DYNC1I2: variants seen among roughly 807,000 people sequenced by gnomAD.
The protein encoded by DYNC1I2 is dynein cytoplasmic 1 intermediate chain 2.
DYNC1I2 carries 53 observed loss-of-function variants against 88.6 expected under a neutral mutation model. That is an observed-to-expected ratio of 0.60 (90% CI 0.48 to 0.75). The LOEUF (loss-of-function observed/expected upper bound fraction) is 0.75, where lower values mean the gene tolerates loss of function less well. Among genes scored for constraint, DYNC1I2 ranks in the 30% least tolerant of loss-of-function variants. DYNC1I2 has a pLI of 0.00. For missense variants in DYNC1I2, 458 were observed against 766.6 expected, an observed-to-expected ratio of 0.60 and a Z score of 4.75; for synonymous variants, 198 against 254.6, an observed-to-expected ratio of 0.78 and a Z score of 2.12.
At chr2:171,740,773 A>G (rs1689367748) in intron 15 of DYNC1I2, among the ~76,000 whole-genome samples, 1 of 152,072 alleles carries the variant, frequency 6.6e-6, no homozygotes, top group South Asian at 2.1e-4. Context: ...TTTTAAAATA[A>G]GTTTCTTTTT....
At chr2:171,697,066 C>CCATG (rs921690659) in intron 3 of DYNC1I2, among the ~76,000 whole-genome samples, 3 of 151,990 alleles carry the variant, frequency 2.0e-5, no homozygotes, top group African/African-American at 7.2e-5. Context: ...AGTGGTGCAA[C>CCATG]CATGGCTTGT....
chr2:171,688,680 A>G lies in DYNC1I2; in HGVS notation c.-10+1053A>G, dbSNP rs538933693. On this transcript the variant is annotated intron_variant, in intron 1 of 17. Coordinates refer to ENST00000397119, the MANE Select transcript of DYNC1I2 (RefSeq NM_001378.3). ...TATGTCAACTTTTCATCCTTTTCGTATGCTTGAAAATTATCAATTCGCTTG... is the reference window on the plus strand; with the variant it reads ...TATGTCAACTTTTCATCCTTTTCGTGTGCTTGAAAATTATCAATTCGCTTG... The G allele has an allele frequency of 5.3e-5, 8 of 152,268 alleles. No individual in the cohort carries two copies. In the East Asian group the frequency reaches 7.7e-4, roughly 15 times the overall value. The allele number at this position is 152,268 out of a possible 1,614,324, so 9.4% of individuals were successfully genotyped here.
chr2:171,740,060 C>CT (rs1002808196), intron 15 of DYNC1I2, among the ~76,000 whole-genome samples: 4 of 151,888 alleles, frequency 2.6e-5, no homozygotes, highest in South Asian at 2.1e-4. Context: ...TTGCATCCCT[C>CT]TTTTTTTTCT....
intron 2 of DYNC1I2, among the ~76,000 whole-genome samples, chr2:171,691,861 A>T (rs753535213): frequency 1.3e-5 from 2 of 152,242 alleles, no homozygotes; most frequent in African/African-American, 2.4e-5. Context: ...AACAAAGTTT[A>T]TAAAAATGTT....
At chr2:171,728,535 G>A (rs919088618) in intron 13 of DYNC1I2, 117 bp downstream of exon 13, 1 of 801,376 alleles carries the variant, frequency 1.2e-6, no homozygotes, top group African/African-American at 1.8e-5. Context: ...CAGCTTATAA[G>A]CTGAAACGTG....
At chr2:171,707,710 G>A (rs1261351306) in intron 5 of DYNC1I2, among the ~76,000 whole-genome samples, 2 of 152,102 alleles carry the variant, frequency 1.3e-5, no homozygotes, top group Non-Finnish European at 2.9e-5. Flanking sequence ...TGTTTTGGGT[G>A]TAAATAGTGT....
At chr2:171,688,540 C>A (rs1218254560) in intron 1 of DYNC1I2, 1 of 152,140 alleles carries the variant, frequency 6.6e-6, no homozygotes, top group Non-Finnish European at 1.5e-5. Context: ...CTTCACCAGC[C>A]GTTTGTATGG....
chr2:171,733,208 G>T (rs1014109808), intron 15 of DYNC1I2, among the ~76,000 whole-genome samples: 2 of 152,184 alleles, frequency 1.3e-5, no homozygotes, highest in African/African-American at 4.8e-5. Flanking sequence ...ATTCTGTGGT[G>T]TATATGTACC....
intron 3 of DYNC1I2, among the ~76,000 whole-genome samples, chr2:171,699,887 C>T (rs754753149): frequency 4.6e-5 from 7 of 151,898 alleles, no homozygotes; most frequent in Admixed American, 1.3e-4. Flanking sequence ...GTGATCCTCC[C>T]GCCTTGGCCT....
rs745817713 is a variant in DYNC1I2, at chr2:171,707,273, A to C, written c.245-14A>C. Reference sequence around the variant, plus strand: ...GTGTAGTAACAGCGGATACCTGTCTATTTCACTATTTAGTCCCTCCTCCTA... The same window carrying C: ...GTGTAGTAACAGCGGATACCTGTCTCTTTCACTATTTAGTCCCTCCTCCTA... On this transcript the variant is annotated splice_polypyrimidine_tract_variant and intron_variant, in intron 4 of 17. Coordinates refer to ENST00000397119, the MANE Select transcript of DYNC1I2 (RefSeq NM_001378.3). 6.2e-7 allele frequency: 1 copy of C among 1,613,702 alleles called. No individual in the cohort carries two copies. Among genetic ancestry groups the C allele is most frequent in the Non-Finnish European group, 8.5e-7 (1 of 1,179,730 alleles).
chr2:171,710,122 T>TATAC (rs1358695266), intron 5 of DYNC1I2, among the ~76,000 whole-genome samples: 94 of 144,438 alleles, frequency 6.5e-4, no homozygotes, highest in African/African-American at 1.6e-3. Context: ...TATGTATATA[T>TATAC]ACACACACAC....
intron 5 of DYNC1I2, among the ~76,000 whole-genome samples, chr2:171,707,999 T>G (rs978769030): frequency 2.0e-5 from 3 of 152,010 alleles, no homozygotes; most frequent in African/African-American, 7.2e-5. Flanking sequence ...AAAAGTTCAG[T>G]AAGATTTCAG....
At chr2:171,739,369 A>C (rs1363507701) in intron 15 of DYNC1I2, among the ~76,000 whole-genome samples, 1 of 152,138 alleles carries the variant, frequency 6.6e-6, no homozygotes, top group Non-Finnish European at 1.5e-5. Context: ...AAAATCTCAG[A>C]TACAAAAGCA....
chr2:171,719,810 A>C (rs1210043748), intron 7 of DYNC1I2, among the ~76,000 whole-genome samples: 1 of 152,080 alleles, frequency 6.6e-6, no homozygotes, highest in Non-Finnish European at 1.5e-5. Context: ...CTGTTTCTGA[A>C]CTGTGGTGCT....
At chr2:171,708,937 C>T (rs1428035149) in intron 5 of DYNC1I2, among the ~76,000 whole-genome samples, 1 of 152,112 alleles carries the variant, frequency 6.6e-6, no homozygotes, top group Admixed American at 6.5e-5. Flanking sequence ...AAGTGATCCA[C>T]CCACCTTGGC....
intron 15 of DYNC1I2, among the ~76,000 whole-genome samples, chr2:171,738,357 A>G (rs1277844483): frequency 1.3e-5 from 2 of 152,076 alleles, no homozygotes; most frequent in African/African-American, 2.4e-5. Context: ...AGAAAAAAAG[A>G]TACTCATTTG....
intron 5 of DYNC1I2, 57 bp from the exon 6 acceptor site, chr2:171,712,710 T>C: frequency 7.9e-7 from 1 of 1,272,132 alleles, no homozygotes; most frequent in East Asian, 2.3e-5. Context: ...ATGTATTTGC[T>C]TGACTAACTT....
intron 1 of DYNC1I2, 161 bp downstream of exon 1, chr2:171,687,788 C>T (rs1297361777): frequency 1.3e-5 from 2 of 152,838 alleles, no homozygotes; most frequent in East Asian, 1.9e-4. Context: ...CTGGTGGTGG[C>T]TACAGTTGGT....
chr2:171,694,916 C>T (rs1487009881), intron 3 of DYNC1I2, among the ~76,000 whole-genome samples: 1 of 152,134 alleles, frequency 6.6e-6, no homozygotes, highest in African/African-American at 2.4e-5. Flanking sequence ...GGGATTACAT[C>T]TCAACAAGAG....
Sources: gnomAD v4.1 joint callset for allele counts (sites outside exome capture counted in the v4.1 genomes callset) on GRCh38, gnomAD v4.1.1 for gene constraint, MANE v1.5 for transcripts, NCBI Gene and HGNC (gene_info 2026-07-23, HGNC 2026-07-21) for gene names.